The following PKP4 variants were observed in gnomAD, a reference collection of about 807,000 sequenced individuals.
PKP4 encodes the protein plakophilin-4.
In PKP4, 90 loss-of-function variants were observed where a neutral mutation model predicts 145.1. That is an observed-to-expected ratio of 0.62 (90% CI 0.52 to 0.74). The LOEUF (loss-of-function observed/expected upper bound fraction) is 0.74, where lower values mean the gene tolerates loss of function less well. Among genes scored for constraint, PKP4 ranks in the 30% least tolerant of loss-of-function variants. PKP4 has a pLI of 0.00. For missense variants in PKP4, 1,340 were observed against 1,482.7 expected (o/e 0.90, Z 1.58); for synonymous variants, 563 against 577.2 (o/e 0.98, Z 0.35).
chr2:158,541,222 A>G (rs1453782389), intron 2 of PKP4, among the ~76,000 whole-genome samples: 2 of 152,156 alleles, frequency 1.3e-5, no homozygotes, highest in Non-Finnish European at 2.9e-5. Flanking sequence ...CTTCATGTTT[A>G]AGGGCTCCCA....
chr2:158,596,671 A>G (rs572481440), intron 3 of PKP4, among the ~76,000 whole-genome samples: 2 of 152,162 alleles, frequency 1.3e-5, no homozygotes, highest in Admixed American at 6.5e-5. Context: ...GTAAAAAACT[A>G]TGGTGTGACA....
intron 2 of PKP4, among the ~76,000 whole-genome samples, chr2:158,556,219 A>G (rs988874099): frequency 6.6e-6 from 1 of 152,212 alleles, no homozygotes; most frequent in African/African-American, 2.4e-5. Context: ...TGTGTGAAAA[A>G]TATCTTCATA....
At chr2:158,663,136 A>G in intron 14 of PKP4, 48 bp downstream of exon 14, 2 of 1,538,978 alleles carry the variant, frequency 1.3e-6, no homozygotes, top group Non-Finnish European at 1.8e-6. Flanking sequence ...TTTTTCTGGG[A>G]GTGAGGAATC....
chr2:158,478,734 T>C (rs992070327), intron 1 of PKP4, among the ~76,000 whole-genome samples: 5 of 152,250 alleles, frequency 3.3e-5, no homozygotes, highest in Non-Finnish European at 7.3e-5. Context: ...ATTAAACTTT[T>C]TGCTTAGGGT....
intron 2 of PKP4, among the ~76,000 whole-genome samples, chr2:158,550,135 C>T (rs1028801030): frequency 9.8e-6 from 1 of 102,402 alleles, no homozygotes; most frequent in Non-Finnish European, 2.8e-5. Flanking sequence ...TACTTTTCTG[C>T]CAAGAAGAAG....
At chr2:158,577,988 A>G (rs2356189) in intron 3 of PKP4, among the ~76,000 whole-genome samples, 70,653 of 152,020 alleles carry the variant, frequency 0.46, 17,367 homozygotes, top group South Asian at 0.67. Context: ...CCGAATAGTT[A>G]AATCACTGCT....
At chr2:158,656,738 G>A (rs1263830595) in intron 11 of PKP4, among the ~76,000 whole-genome samples, 1 of 152,164 alleles carries the variant, frequency 6.6e-6, no homozygotes, top group Non-Finnish European at 1.5e-5. Context: ...GCCTGGGAAG[G>A]GGCAGTCCTC....
intron 2 of PKP4, among the ~76,000 whole-genome samples, chr2:158,535,269 T>G (rs1305123196): frequency 6.6e-6 from 1 of 152,200 alleles, no homozygotes; most frequent in Non-Finnish European, 1.5e-5. Context: ...GTAAGAAAAC[T>G]AATTACCATT....
intron 8 of PKP4, chr2:158,632,473 A>G (rs974101218): frequency 1.3e-5 from 2 of 154,998 alleles, no homozygotes; most frequent in African/African-American, 2.4e-5. Context: ...CAATAGCGAC[A>G]TTTATAAAAG....
Position 158,621,011 on chromosome 2 carries a change from G to A in PKP4, c.302G>A (p.Ser101Asn), listed in dbSNP as rs2052173829. Residue 101 changes from serine (S) to asparagine (N), a missense_variant, in exon 5 of 22, where the codon AGC becomes AAC. Transcript: ENST00000389759. ...ACAGACGTGCCAAATACTGGTGTAA[G>A]CAAACCTAGAGTTTCTGACGCTGTC... ...RSTDVPNTGV[S>N]KPRVSDAVQP... 1 of 1,613,914 alleles carries A rather than the reference G, an allele frequency of 6.2e-7. No homozygotes were observed. Among genetic ancestry groups the A allele is most frequent in the Non-Finnish European group, 8.5e-7 (1 of 1,179,978 alleles).
chr2:158,657,235 G>A (rs535199101), intron 11 of PKP4, among the ~76,000 whole-genome samples: 52 of 152,176 alleles, frequency 3.4e-4, no homozygotes, highest in African/African-American at 1.2e-3. Flanking sequence ...CATTAGGGTA[G>A]GTATCATCTC....
At chr2:158,543,740 G>T (rs1460555504) in intron 2 of PKP4, among the ~76,000 whole-genome samples, 1 of 152,168 alleles carries the variant, frequency 6.6e-6, no homozygotes, top group Non-Finnish European at 1.5e-5. Context: ...AAGGATCAAG[G>T]TAGCCAGTTT....
chr2:158,540,968 G>A (rs1385267799), intron 2 of PKP4, among the ~76,000 whole-genome samples: 1 of 151,946 alleles, frequency 6.6e-6, no homozygotes, highest in Non-Finnish European at 1.5e-5. Context: ...ATGAATATAT[G>A]GAATAATTTC....
At chr2:158,663,485 T>C (rs1182001763) in intron 15 of PKP4, 40 bp downstream of exon 15, 2 of 1,539,986 alleles carry the variant, frequency 1.3e-6, no homozygotes, top group African/African-American at 1.4e-5. Flanking sequence ...TTTCCATCTT[T>C]GCAAACTAAC....
At chr2:158,593,793 C>A (rs1416248305) in intron 3 of PKP4, among the ~76,000 whole-genome samples, 1 of 151,806 alleles carries the variant, frequency 6.6e-6, no homozygotes, top group Non-Finnish European at 1.5e-5. Flanking sequence ...TAGAGTAGCA[C>A]AAAGGAAAAG....
intron 1 of PKP4, among the ~76,000 whole-genome samples, chr2:158,490,117 G>A (rs1384873414): frequency 1.3e-5 from 2 of 152,034 alleles, no homozygotes; most frequent in Admixed American, 6.5e-5. Context: ...TCAATTTAAG[G>A]GGTGTGCAAA....
intron 4 of PKP4, among the ~76,000 whole-genome samples, chr2:158,614,644 A>G (rs186295741): frequency 2.0e-5 from 3 of 152,336 alleles, no homozygotes; most frequent in African/African-American, 4.8e-5. Context: ...AGCAAACATA[A>G]CATCTAAATA....
At chr2:158,651,612 C>T (rs1300943159) in intron 11 of PKP4, among the ~76,000 whole-genome samples, 1 of 151,916 alleles carries the variant, frequency 6.6e-6, no homozygotes, top group East Asian at 1.9e-4. Context: ...CCCAAACCTG[C>T]TTCTTTCTGG....
At chr2:158,523,842 C>A (rs2042677867) in intron 1 of PKP4, among the ~76,000 whole-genome samples, 1 of 138,590 alleles carries the variant, frequency 7.2e-6, no homozygotes, top group Non-Finnish European at 1.5e-5. Flanking sequence ...AATGCAGAAG[C>A]CTCAGGAGCC....
Sources: allele counts gnomAD v4.1 joint callset (sites outside exome capture counted in the v4.1 genomes callset), GRCh38; gene constraint gnomAD v4.1.1; transcripts MANE v1.5; gene names NCBI Gene and HGNC (gene_info 2026-07-23, HGNC 2026-07-21).